NCMAP: variants seen among roughly 807,000 people sequenced by gnomAD.
The protein encoded by NCMAP is noncompact myelin-associated protein.
In NCMAP, 8 loss-of-function variants were observed where a neutral mutation model predicts 7.8. The ratio of observed to expected loss-of-function variants is 1.02; its 90% confidence interval spans 0.60 to 1.84. The LOEUF is 1.84. NCMAP is among the 40% of genes most tolerant of loss of function. NCMAP has a pLI of 0.00. For synonymous variants in NCMAP, 41 were observed against 52.9 expected, an observed-to-expected ratio of 0.78 and a Z score of 0.98; for missense variants, 112 against 131.4, an observed-to-expected ratio of 0.85 and a Z score of 0.72.
At position 24,559,779 on chromosome 1, in the gene NCMAP, G is replaced by A. The variant is rs999913375; in HGVS notation, c.-8+3610G>A. ...GAGGCAGAGATGAGCAGGGCGTTAA[G>A]CCCTGTACTCTGCCTCAAGCCACAT... On this transcript the variant is annotated intron_variant, in intron 1 of 3. Coordinates refer to ENST00000374392, the MANE Select transcript of NCMAP (RefSeq NM_001010980.5). Among the ~76,000 whole-genome samples, 9 of 152,196 alleles carry A rather than the reference G, an allele frequency of 5.9e-5. No homozygotes were observed. In the East Asian group the frequency reaches 1.3e-3, roughly 23 times the overall value.
intron 1 of NCMAP, among the ~76,000 whole-genome samples, chr1:24,557,422 TGTGTGTGCATGTGGGTGTGTGCAC>T (rs1055403930): frequency 5.1e-5 from 6 of 116,724 alleles, no homozygotes; most frequent in Admixed American, 1.7e-4. Flanking sequence ...CTTGTGTGCA[TGTGTGTGCATGTGGGTGTGTGCAC>T]GTGTGTGCGT....
rs1314664105 is a variant in NCMAP, at chr1:24,597,613, GAAAGAGAA to G, written c.82+2103_82+2110del. On this transcript the variant is annotated intron_variant, in intron 2 of 3. Coordinates refer to ENST00000374392, the MANE Select transcript of NCMAP (RefSeq NM_001010980.5). Reference sequence around the variant, plus strand: ...AAGAAAGAAGAAAGAAAGAAAGAAAGAAAGAGAAAGAAAGAAAGAAAGAAAGAAAGAAA... The same window carrying G: ...AAGAAAGAAGAAAGAAAGAAAGAAAGAGAAAGAAAGAAAGAAAGAAAGAAA... Among the ~76,000 whole-genome samples, 223 of 81,170 alleles carry G rather than the reference GAAAGAGAA, an allele frequency of 2.7e-3. 2 individuals are homozygous for G. Among genetic ancestry groups the G allele is most frequent in the South Asian group, 0.015 (31 of 2,034 alleles). 53.3% of individuals were successfully genotyped at this position (81,170 alleles called of 152,430 possible).
intron 1 of NCMAP, among the ~76,000 whole-genome samples, chr1:24,591,561 C>T (rs1429709711): frequency 6.6e-6 from 1 of 152,260 alleles, no homozygotes. Flanking sequence ...AGTCACCGTG[C>T]CTGGCCTGGG....
intron 3 of NCMAP, among the ~76,000 whole-genome samples, chr1:24,602,950 G>C (rs1385226000): frequency 6.6e-6 from 1 of 151,996 alleles, no homozygotes; most frequent in Non-Finnish European, 1.5e-5. Flanking sequence ...TGAGGCAGGA[G>C]AATCACTTGA....
intron 1 of NCMAP, among the ~76,000 whole-genome samples, chr1:24,568,054 G>T (rs146135468): frequency 6.6e-6 from 1 of 152,078 alleles, no homozygotes; most frequent in South Asian, 2.1e-4. Context: ...TTAGGCACCC[G>T]CCTGTGACCC....
chr1:24,564,513 C>CAAAAAAAAAAAAAAAAA (rs1184189345), intron 1 of NCMAP, among the ~76,000 whole-genome samples: 1 of 50,016 alleles, frequency 2.0e-5, no homozygotes, highest in Non-Finnish European at 3.1e-5. Context: ...GATTCTGTCT[C>CAAAAAAAAAAAAAAAAA]AAAAAAAAAA....
intron 2 of NCMAP, among the ~76,000 whole-genome samples, chr1:24,597,617 G>GAGAGAGAGAGAA (rs1553157423): frequency 1.1e-5 from 1 of 87,532 alleles, no homozygotes; most frequent in East Asian, 3.5e-4. Context: ...AAGAAAGAAA[G>GAGAGAGAGAGAA]AGAAAGAAAG....
rs200666100 is a variant in NCMAP, at chr1:24,606,996, C to CT, written c.*1265dup. ...TTCTTTTTCTTTTCTTTTTTCTTTT[C>CT]TTTTTTTTTTTTTTTTGAGACAGAG... On this transcript the variant is annotated 3_prime_UTR_variant, in exon 4 of 4. Transcript: ENST00000374392. The CT allele has an allele frequency of 0.089, 11,255 of 126,274 alleles. 911 individuals carry two copies. The highest frequency in any genetic ancestry group is 0.27 in the African/African-American group (7,350 of 27,034). 7.8% of individuals were successfully genotyped at this position (126,274 alleles called of 1,614,324 possible). A position where few individuals can be genotyped will look rare whatever the true frequency, so the allele number is the denominator to read the frequency against.
intron 2 of NCMAP, among the ~76,000 whole-genome samples, chr1:24,596,554 C>T (rs1387210947): frequency 2.0e-5 from 3 of 151,808 alleles, no homozygotes; most frequent in Non-Finnish European, 2.9e-5. Context: ...ATGGTGGTGA[C>T]GCTCCTGGAG....
chr1:24,556,953 G>C (rs944771906), intron 1 of NCMAP, among the ~76,000 whole-genome samples: 1 of 152,120 alleles, frequency 6.6e-6, no homozygotes, highest in Non-Finnish European at 1.5e-5. Context: ...CAACAGTCTC[G>C]GGCAAGTCCA....
chr1:24,575,321 T>G (rs1309071882), intron 1 of NCMAP, among the ~76,000 whole-genome samples: 1 of 152,128 alleles, frequency 6.6e-6, no homozygotes, highest in Non-Finnish European at 1.5e-5. Context: ...AATAAAATTT[T>G]TAGAGCCCAC....
chr1:24,596,625 G>C (rs1010416469), intron 2 of NCMAP, among the ~76,000 whole-genome samples: 1 of 152,186 alleles, frequency 6.6e-6, no homozygotes, highest in Non-Finnish European at 1.5e-5. Flanking sequence ...GGTCGAGGCT[G>C]TGGTGAGCTG....
At chr1:24,575,043 G>C (rs570652416) in intron 1 of NCMAP, among the ~76,000 whole-genome samples, 144 of 152,104 alleles carry the variant, frequency 9.5e-4, no homozygotes, top group African/African-American at 3.4e-3. Context: ...GCCAGCCTTG[G>C]CCTCCCAAAG....
intron 1 of NCMAP, among the ~76,000 whole-genome samples, chr1:24,573,821 G>A (rs1190803802): frequency 1.3e-5 from 2 of 149,696 alleles, no homozygotes; most frequent in South Asian, 2.1e-4. Context: ...ACCTAGTAAA[G>A]CATTATTTTG....
chr1:24,587,935 T>C (rs1355636690), intron 1 of NCMAP, among the ~76,000 whole-genome samples: 2 of 151,750 alleles, frequency 1.3e-5, no homozygotes, highest in African/African-American at 4.9e-5. Context: ...GTCAATTTTC[T>C]TTTTCTTTTA....
chr1:24,565,773 T>A (rs1570513938), intron 1 of NCMAP, among the ~76,000 whole-genome samples: 1 of 115,846 alleles, frequency 8.6e-6, no homozygotes, highest in Non-Finnish European at 1.7e-5. Flanking sequence ...AATTTTTGCA[T>A]TTTTTTTGTA....
intron 1 of NCMAP, among the ~76,000 whole-genome samples, chr1:24,591,080 G>C (rs753473083): frequency 6.6e-6 from 1 of 152,200 alleles, no homozygotes; most frequent in Non-Finnish European, 1.5e-5. Flanking sequence ...AAAAGGATAT[G>C]AGAAAGAACA....
chr1:24,593,264 G>A (rs1186646280), intron 1 of NCMAP, among the ~76,000 whole-genome samples: 3 of 151,894 alleles, frequency 2.0e-5, no homozygotes, highest in East Asian at 1.9e-4. Flanking sequence ...TGGGAGGATC[G>A]CTTTGAGTCC....
chr1:24,586,717 G>A (rs1233184719), intron 1 of NCMAP, among the ~76,000 whole-genome samples: 3 of 146,868 alleles, frequency 2.0e-5, no homozygotes, highest in Non-Finnish European at 4.5e-5. Flanking sequence ...AGCTGAGATC[G>A]TCCCACTGTA....
Sources: allele counts gnomAD v4.1 joint callset (sites outside exome capture counted in the v4.1 genomes callset), GRCh38; gene constraint gnomAD v4.1.1; transcripts MANE v1.5; gene names NCBI Gene and HGNC (gene_info 2026-07-23, HGNC 2026-07-21).